TLE4: variants seen among roughly 807,000 people sequenced by gnomAD.
The protein encoded by TLE4 is transducin-like enhancer protein 4.
TLE4 carries 8 observed loss-of-function variants against 92.8 expected under a neutral mutation model. The observed-to-expected ratio is 0.09, with a 90% confidence interval of 0.05 to 0.16. The LOEUF (loss-of-function observed/expected upper bound fraction) is 0.16. Among genes scored for constraint, TLE4 ranks in the 10% least tolerant of loss-of-function variants. The pLI, the probability that TLE4 is intolerant of heterozygous loss-of-function variation, is 1.00. For synonymous variants in TLE4, 371 were observed against 374.1 expected (o/e 0.99, Z 0.10); for missense variants, 675 against 997.6 (o/e 0.68, Z 4.36).
At chr9:79,704,499 G>C (rs1026897227) in intron 8 of TLE4, 1 of 420,836 alleles carries the variant, frequency 2.4e-6, no homozygotes, top group East Asian at 4.1e-5. Context: ...ACTAATTCCT[G>C]CCACCCTTTT....
intron 8 of TLE4, among the ~76,000 whole-genome samples, chr9:79,660,735 T>C (rs918773340): frequency 6.6e-6 from 1 of 152,212 alleles, no homozygotes. Flanking sequence ...GTCCTAATTC[T>C]AGAAAAATGT....
chr9:79,706,226 G>A (rs1253038526), intron 10 of TLE4, among the ~76,000 whole-genome samples: 3 of 152,004 alleles, frequency 2.0e-5, no homozygotes, highest in Non-Finnish European at 4.4e-5. Context: ...TAAATTTTTT[G>A]TGGAGATGGG....
chr9:79,579,144 A>G (rs1052463600), intron 4 of TLE4, among the ~76,000 whole-genome samples: 1 of 152,166 alleles, frequency 6.6e-6, no homozygotes, highest in African/African-American at 2.4e-5. Context: ...CCCTAAGTGT[A>G]TGGTTTTTGT....
At chr9:79,641,674 T>C (rs2057172028) in intron 6 of TLE4, among the ~76,000 whole-genome samples, 1 of 152,172 alleles carries the variant, frequency 6.6e-6, no homozygotes, top group South Asian at 2.1e-4. Context: ...AAAGGTTATT[T>C]CCCCAGAGGA....
chr9:79,648,838 A>G (rs1448283035), intron 6 of TLE4, among the ~76,000 whole-genome samples: 1 of 152,218 alleles, frequency 6.6e-6, no homozygotes, highest in Non-Finnish European at 1.5e-5. Flanking sequence ...TCCAAGTACA[A>G]TTGTCTGACA....
chr9:79,720,327 G>C, intron 16 of TLE4, 34 bp downstream of exon 16: 1 of 1,587,118 alleles, frequency 6.3e-7, no homozygotes, highest in Non-Finnish European at 8.6e-7. Flanking sequence ...AGGTTGTGAG[G>C]AGGAGCCGAT....
chr9:79,693,418 C>T (rs1485938082), intron 8 of TLE4, among the ~76,000 whole-genome samples: 1 of 152,108 alleles, frequency 6.6e-6, no homozygotes, highest in African/African-American at 2.4e-5. Context: ...GTCAGTGGCT[C>T]AAATGTCTGT....
chr9:79,700,673 C>T (rs986132654), intron 8 of TLE4, among the ~76,000 whole-genome samples: 1 of 151,528 alleles, frequency 6.6e-6, no homozygotes, highest in Non-Finnish European at 1.5e-5. Flanking sequence ...TGTTTTCCTG[C>T]TCTTTTTCTT....
chr9:79,587,932 G>T (rs755614975), intron 4 of TLE4, among the ~76,000 whole-genome samples: 1 of 152,086 alleles, frequency 6.6e-6, no homozygotes, highest in Non-Finnish European at 1.5e-5. Flanking sequence ...TTTGAGGAAG[G>T]GATCTGATTA....
chr9:79,642,217 A>G (rs533839104), intron 6 of TLE4, among the ~76,000 whole-genome samples: 1 of 151,992 alleles, frequency 6.6e-6, no homozygotes, highest in African/African-American at 2.4e-5. Flanking sequence ...GGCTTTTTAA[A>G]TGCTGCTTTA....
At chr9:79,674,280 A>T (rs960180425) in intron 8 of TLE4, among the ~76,000 whole-genome samples, 4 of 152,054 alleles carry the variant, frequency 2.6e-5, no homozygotes, top group Non-Finnish European at 5.9e-5. Flanking sequence ...CAGCCCATTA[A>T]GGTGGAGTTT....
chr9:79,635,187 G>A (rs554769094), intron 6 of TLE4, among the ~76,000 whole-genome samples: 2 of 152,208 alleles, frequency 1.3e-5, no homozygotes, highest in South Asian at 4.1e-4. Context: ...GTGCATAATA[G>A]TACTTACTGT....
chr9:79,626,305 T>C (rs1218468151), intron 5 of TLE4, among the ~76,000 whole-genome samples: 2 of 152,214 alleles, frequency 1.3e-5, no homozygotes, highest in African/African-American at 4.8e-5. Context: ...AGTGTGGTAG[T>C]TGAGCTTCAT....
chr9:79,599,130 G>A (rs1445641426), intron 4 of TLE4, among the ~76,000 whole-genome samples: 1 of 152,142 alleles, frequency 6.6e-6, no homozygotes, highest in Non-Finnish European at 1.5e-5. Flanking sequence ...GCACTGTGGT[G>A]TCTTGACCTG....
chr9:79,711,434 A>G (rs2073256862), intron 14 of TLE4, among the ~76,000 whole-genome samples: 1 of 152,244 alleles, frequency 6.6e-6, no homozygotes, highest in African/African-American at 2.4e-5. Context: ...AATTAATCAA[A>G]TAATGACTCA....
chr9:79,721,265 G>A (rs1175265567), intron 16 of TLE4, among the ~76,000 whole-genome samples: 3 of 152,110 alleles, frequency 2.0e-5, no homozygotes, highest in Admixed American at 6.6e-5. Flanking sequence ...TGAGAGCCTC[G>A]CCTTCCGTCT....
intron 4 of TLE4, among the ~76,000 whole-genome samples, chr9:79,610,362 A>G (rs763350352): frequency 1.2e-4 from 18 of 152,092 alleles, no homozygotes; most frequent in Non-Finnish European, 2.4e-4. Context: ...CCACAGTGTT[A>G]TTGGCTGATC....
chr9:79,600,252 G>C (rs1039364394), intron 4 of TLE4, among the ~76,000 whole-genome samples: 2 of 152,146 alleles, frequency 1.3e-5, no homozygotes, highest in African/African-American at 4.8e-5. Flanking sequence ...AACCTGCCTA[G>C]TCAAGTATTA....
intron 5 of TLE4, among the ~76,000 whole-genome samples, chr9:79,621,930 G>A (rs2051113509): frequency 6.6e-6 from 1 of 152,168 alleles, no homozygotes; most frequent in Non-Finnish European, 1.5e-5. Context: ...CTAGAATATT[G>A]CAGCCCTCTA....
Sources: allele counts gnomAD v4.1 joint callset (sites outside exome capture counted in the v4.1 genomes callset), GRCh38; gene constraint gnomAD v4.1.1; transcripts MANE v1.5; gene names NCBI Gene and HGNC (gene_info 2026-07-23, HGNC 2026-07-21).